The following PDZD2 variants were observed in gnomAD, a reference collection of about 807,000 sequenced individuals.
PDZD2 encodes PDZ domain-containing protein 2.
A neutral mutation model predicts 220.7 loss-of-function variants in PDZD2; 90 were observed. The ratio of observed to expected loss-of-function variants is 0.41; its 90% CI spans 0.34 to 0.49. The LOEUF (loss-of-function observed/expected upper bound fraction) is 0.49. PDZD2 is among the 20% of genes least tolerant of loss of function. PDZD2 has a pLI of 0.28. For missense variants in PDZD2, 3,174 were observed against 3,608.5 expected (o/e 0.88, Z 3.08); for synonymous variants, 1,375 against 1,450.5 (o/e 0.95, Z 1.18).
intron 1 of PDZD2, among the ~76,000 whole-genome samples, chr5:31,701,855 A>C (rs1256972420): frequency 6.6e-6 from 1 of 152,246 alleles, no homozygotes; most frequent in Non-Finnish European, 1.5e-5. Flanking sequence ...TGGGGAGCCC[A>C]GATAAATAGA....
At chr5:31,949,556 G>T (rs958156302) in intron 2 of PDZD2, among the ~76,000 whole-genome samples, 5 of 151,914 alleles carry the variant, frequency 3.3e-5, no homozygotes, top group African/African-American at 1.2e-4. Context: ...TTTTTTGTAT[G>T]AAACCATCAT....
intron 2 of PDZD2, among the ~76,000 whole-genome samples, chr5:31,892,220 A>G (rs1430649780): frequency 6.6e-6 from 1 of 152,032 alleles, no homozygotes; most frequent in Non-Finnish European, 1.5e-5. Context: ...CCAAACTCTT[A>G]ACAAAACTAA....
At chr5:32,066,462 A>G (rs1182416313) in intron 14 of PDZD2, among the ~76,000 whole-genome samples, 4 of 152,128 alleles carry the variant, frequency 2.6e-5, no homozygotes, top group African/African-American at 9.7e-5. Flanking sequence ...TGGTTCTGAC[A>G]TCTTCACTTA....
In PDZD2 at chr5:31,859,748, C is replaced by G. The variant is rs530745718; in HGVS notation, c.476+60024C>G. Among the ~76,000 whole-genome samples the G allele has an allele frequency of 3.2e-4, 49 of 152,260 alleles. 1 individual carries two copies. The South Asian group carries it at 6.4e-3, about 20-fold the overall frequency. On this transcript the variant is annotated intron_variant, in intron 2 of 24. Transcript: ENST00000438447. ...CTCACTAAAAAGCTAACTGGAAGGT[C>G]TACATAGATGAAATATACCCAAGAA...
intron 4 of PDZD2, among the ~76,000 whole-genome samples, chr5:31,997,278 A>ATATC (rs1220717124): frequency 6.6e-6 from 1 of 152,194 alleles, no homozygotes. Context: ...ACACAGAAGG[A>ATATC]TATCACATGA....
intron 19 of PDZD2, 75 bp downstream of exon 19, chr5:32,077,681 G>A: frequency 1.4e-6 from 2 of 1,471,870 alleles, no homozygotes; most frequent in Non-Finnish European, 1.9e-6. Flanking sequence ...TACAGGCCAG[G>A]CGCAGTGGCT....
At position 31,639,198 on chromosome 5, in the gene PDZD2, G is replaced by C. The variant is rs572984638; in HGVS notation, c.-600G>C. ...CCCAGCGCCGGTGCGTGCCGGCCCC[G>C]GGCAGCGGGACGCGGCGGGGCGGCG... On this transcript the variant is annotated 5_prime_UTR_variant, in exon 1 of 25. Transcript: ENST00000438447. This position sits in a 1 kb window ranked among gnomAD's most constrained non-coding sequence, Gnocchi z 4.1. 1.3e-5 allele frequency among the ~76,000 whole-genome samples: 2 copies of C among 151,882 alleles called. No individual in the cohort carries two copies. Among genetic ancestry groups the C allele is most frequent in the Non-Finnish European group, 2.9e-5 (2 of 67,902 alleles).
chr5:31,921,039 A>T (rs547065080), intron 2 of PDZD2, among the ~76,000 whole-genome samples: 2 of 152,284 alleles, frequency 1.3e-5, no homozygotes, highest in African/African-American at 4.8e-5. Context: ...GTCATTTCCA[A>T]GTTTTGGCAA....
At position 31,778,530 on chromosome 5, in the gene PDZD2, G is replaced by A. The variant is rs552045218; in HGVS notation, c.-360-20359G>A. Among the ~76,000 whole-genome samples, 4 of 151,464 alleles carry A rather than the reference G, an allele frequency of 2.6e-5. No individual in the cohort carries two copies. In the South Asian group the frequency reaches 6.3e-4, roughly 24 times the overall value. On this transcript the variant is annotated intron_variant, in intron 1 of 24. Transcript: ENST00000438447. The stretch of plus-strand genomic sequence containing the variant: ...AGGAACGAACAACTCCAGATGTGCC[G>A]CCTTAAGAGCTGTAACACTCACCAT...
At chr5:31,983,031 G>A in intron 2 of PDZD2, 124 bp from the exon 3 acceptor site, 1 of 863,676 alleles carries the variant, frequency 1.2e-6, no homozygotes, top group Non-Finnish European at 1.8e-6. Context: ...TCTTTAGGAA[G>A]CTCAATACCT....
intron 3 of PDZD2, among the ~76,000 whole-genome samples, chr5:31,992,641 G>A (rs889154468): frequency 6.6e-6 from 1 of 152,120 alleles, no homozygotes; most frequent in African/African-American, 2.4e-5. Flanking sequence ...GTGTAAACTA[G>A]TAAGGGGGAT....
At chr5:32,107,643 T>C (rs1744910958) in intron 24 of PDZD2, among the ~76,000 whole-genome samples, 1 of 152,202 alleles carries the variant, frequency 6.6e-6, no homozygotes, top group Non-Finnish European at 1.5e-5. Flanking sequence ...CAACTTTATT[T>C]TGTGTTATTC....
chr5:31,892,581 G>A (rs1561547203), intron 2 of PDZD2, among the ~76,000 whole-genome samples: 1 of 152,026 alleles, frequency 6.6e-6, no homozygotes, highest in African/African-American at 2.4e-5. Context: ...TGTGGCGGGG[G>A]TGGTGTAGGG....
chr5:31,775,288 G>T (rs1580729707), intron 1 of PDZD2, among the ~76,000 whole-genome samples: 1 of 151,656 alleles, frequency 6.6e-6, no homozygotes, highest in East Asian at 1.9e-4. Context: ...TCTGAGTGGG[G>T]AGTGGATCCA....
chr5:31,940,803 A>C lies in PDZD2; in HGVS notation c.477-42352A>C, dbSNP rs188004937. ...TAAAAAGTCTCTATTTCAGTGAGACACCTGAGACCGCAGGGGCAGAACATC... is the reference window on the plus strand; with the variant it reads ...TAAAAAGTCTCTATTTCAGTGAGACCCCTGAGACCGCAGGGGCAGAACATC... On this transcript the variant is annotated intron_variant, in intron 2 of 24. Coordinates refer to ENST00000438447, the MANE Select transcript of PDZD2 (RefSeq NM_178140.4). Among the ~76,000 whole-genome samples the C allele has an allele frequency of 3.2e-3, 492 of 152,360 alleles. 2 individuals carry two copies. The highest frequency in any genetic ancestry group is 0.011 in the African/African-American group (439 of 41,586).
At chr5:31,886,049 A>G (rs1207254249) in intron 2 of PDZD2, among the ~76,000 whole-genome samples, 3 of 152,016 alleles carry the variant, frequency 2.0e-5, no homozygotes, top group Non-Finnish European at 4.4e-5. Context: ...ACAGGCACCC[A>G]CCACCACACC....
In PDZD2 at chr5:32,000,450, G is replaced by A. The variant is rs1752011531; in HGVS notation, c.1254+179G>A. ...CTATATGGAGACCCTTAGCTGAAGT[G>A]CAGTTAGTTACTTGGCTTTCCTTAA... is the stretch of plus-strand genomic sequence containing the variant. On this transcript the variant is annotated intron_variant, in intron 5 of 24. Coordinates refer to ENST00000438447, the MANE Select transcript of PDZD2 (RefSeq NM_178140.4). This position sits in a 1 kb window ranked among gnomAD's most constrained non-coding sequence, Gnocchi z 4.5. 6.6e-6 allele frequency among the ~76,000 whole-genome samples: 1 copy of A among 152,178 alleles called. No homozygotes were observed. Among genetic ancestry groups the A allele is most frequent in the Non-Finnish European group, 1.5e-5 (1 of 68,038 alleles).
chr5:31,797,848 T>A (rs1754137619), intron 1 of PDZD2, among the ~76,000 whole-genome samples: 1 of 152,208 alleles, frequency 6.6e-6, no homozygotes, highest in Non-Finnish European at 1.5e-5. Flanking sequence ...GTTAAATCAC[T>A]TCCTGAGAAG....
rs989152213 is a variant in PDZD2, at chr5:32,052,808, G to C, written c.1785+78G>C. ...TTTTTTGTTTTATTTTATTTTATTT[G>C]TTTTTGTGTTTTTGTTTTTAGAAAC... is the stretch of plus-strand genomic sequence containing the variant. On this transcript the variant is annotated intron_variant, in intron 9 of 24. Coordinates refer to ENST00000438447, the MANE Select transcript of PDZD2 (RefSeq NM_178140.4). 7.5e-6 allele frequency: 11 copies of C among 1,461,918 alleles called. No individual in the cohort carries two copies. In the African/African-American group the frequency reaches 1.3e-4, roughly 17 times the overall value. 90.6% of individuals were successfully genotyped at this position (1,461,918 alleles called of 1,614,324 possible). A position where few individuals can be genotyped will look rare whatever the true frequency, so the allele number is the denominator to read the frequency against.
Sources: allele counts gnomAD v4.1 joint callset (sites outside exome capture counted in the v4.1 genomes callset), GRCh38; gene constraint gnomAD v4.1.1; non-coding constraint Gnocchi (gnomAD v3.1); transcripts MANE v1.5; gene names NCBI Gene and HGNC (gene_info 2026-07-23, HGNC 2026-07-21).